ZBTB7C: variants seen among roughly 807,000 people sequenced by gnomAD.
ZBTB7C encodes zinc finger and BTB domain containing 7C, also known as zinc finger and BTB domain-containing protein 7C.
ZBTB7C carries 8 observed loss-of-function variants against 25.7 expected under a neutral mutation model. The ratio of observed to expected loss-of-function variants is 0.31; its 90% CI spans 0.18 to 0.56. ZBTB7C has a LOEUF of 0.56. ZBTB7C is among the 20% of genes least tolerant of loss of function. The pLI is 0.91. For synonymous variants in ZBTB7C, 394 were observed against 369.0 expected (o/e 1.07, Z -0.78); for missense variants, 824 against 855.2 (o/e 0.96, Z 0.46).
chr18:48,409,375 G>C lies in ZBTB7C; in HGVS notation c.-453C>G, dbSNP rs1355309995. The stretch of plus-strand genomic sequence containing the variant: ...CAGAGTCTCGTGGCGGGGCTGCGCC[G>C]GCGGGTATGGAGCTGAGCGGCGGCA... On this transcript the variant is annotated 5_prime_UTR_variant, in exon 1 of 5. Transcript: ENST00000590800. 1 of 147,092 alleles carries C rather than the reference G, an allele frequency of 6.8e-6. No individual in the cohort carries two copies. The highest frequency in any genetic ancestry group is 1.5e-5 in the Non-Finnish European group (1 of 66,186). 9.1% of individuals were successfully genotyped at this position (147,092 alleles called of 1,614,324 possible). A position where few individuals can be genotyped will look rare whatever the true frequency, so the allele number is the denominator to read the frequency against.
At chr18:48,282,859 A>G (rs2044910483) in intron 2 of ZBTB7C, among the ~76,000 whole-genome samples, 2 of 152,192 alleles carry the variant, frequency 1.3e-5, no homozygotes, top group South Asian at 4.1e-4. Context: ...GAATGTGACA[A>G]TGACTGAAAT....
chr18:48,205,469 G>C (rs989076206), intron 2 of ZBTB7C, among the ~76,000 whole-genome samples: 10 of 151,792 alleles, frequency 6.6e-5, no homozygotes, highest in Admixed American at 6.6e-4. Context: ...ATAATCAATA[G>C]TGTTAAGATG....
chr18:48,030,535 T>G (rs2035698403), intron 4 of ZBTB7C, among the ~76,000 whole-genome samples: 1 of 152,200 alleles, frequency 6.6e-6, no homozygotes, highest in Non-Finnish European at 1.5e-5. Context: ...ATTTCAGGGT[T>G]TACAAAAGAG....
intron 2 of ZBTB7C, among the ~76,000 whole-genome samples, chr18:48,242,203 T>TA (rs1281261486): frequency 6.6e-6 from 1 of 151,910 alleles, no homozygotes; most frequent in East Asian, 1.9e-4. Flanking sequence ...GAAATGGTAA[T>TA]AAAAAAATTG....
At chr18:48,196,279 A>G (rs1360846987) in intron 2 of ZBTB7C, among the ~76,000 whole-genome samples, 4 of 152,052 alleles carry the variant, frequency 2.6e-5, no homozygotes, top group Non-Finnish European at 1.5e-5. Context: ...AGTGGGCTAT[A>G]TCTCTCCAGA....
intron 1 of ZBTB7C, among the ~76,000 whole-genome samples, chr18:48,389,018 T>C: frequency 6.6e-6 from 1 of 152,154 alleles, no homozygotes; most frequent in East Asian, 1.9e-4. Context: ...CCAGTCTTTA[T>C]TTGGACCAGG....
intron 3 of ZBTB7C, among the ~76,000 whole-genome samples, chr18:48,104,848 A>G (rs1598885571): frequency 6.6e-6 from 1 of 152,290 alleles, no homozygotes; most frequent in East Asian, 1.9e-4. Context: ...GTGTGGGGCC[A>G]TCGTGCAGTG....
intron 3 of ZBTB7C, among the ~76,000 whole-genome samples, chr18:48,103,148 C>G (rs1213712053): frequency 6.9e-6 from 1 of 145,174 alleles, no homozygotes. Flanking sequence ...ATCTATCTAT[C>G]TATCTATCTA....
chr18:48,055,028 C>T (rs543260021), intron 3 of ZBTB7C, among the ~76,000 whole-genome samples: 1 of 152,236 alleles, frequency 6.6e-6, no homozygotes, highest in South Asian at 2.1e-4. Context: ...TAGAAAATAC[C>T]TGCTTTAGAG....
chr18:48,317,072 A>C (rs1195322850), intron 2 of ZBTB7C, among the ~76,000 whole-genome samples: 1 of 152,180 alleles, frequency 6.6e-6, no homozygotes, highest in Non-Finnish European at 1.5e-5. Context: ...CAGGAGTTCA[A>C]TACCAGCCTG....
chr18:48,106,043 C>T (rs1423260804), intron 3 of ZBTB7C, among the ~76,000 whole-genome samples: 1 of 152,224 alleles, frequency 6.6e-6, no homozygotes, highest in Non-Finnish European at 1.5e-5. Context: ...AAATGGGAAA[C>T]ATTTCACTAA....
chr18:48,381,280 G>A (rs558229101), intron 1 of ZBTB7C, among the ~76,000 whole-genome samples: 1 of 152,162 alleles, frequency 6.6e-6, no homozygotes, highest in African/African-American at 2.4e-5. Flanking sequence ...GATGGTAAAA[G>A]GTGGCCCCAA....
rs535213142 is a variant in ZBTB7C, at chr18:48,377,946, C to G, written c.-304+31280G>C. On this transcript the variant is annotated intron_variant, in intron 1 of 4. Transcript: ENST00000590800. ...CAAAACTTTGGGAGGCCGAGGTGGGCAGATCACCTGAGGTCAGGAGTTCAA... is the reference window on the plus strand; with the variant it reads ...CAAAACTTTGGGAGGCCGAGGTGGGGAGATCACCTGAGGTCAGGAGTTCAA... 3.9e-5 allele frequency among the ~76,000 whole-genome samples: 6 copies of G among 152,236 alleles called. No individual in the cohort carries two copies. The South Asian group carries it at 1.2e-3, about 32-fold the overall frequency.
intron 3 of ZBTB7C, among the ~76,000 whole-genome samples, chr18:48,110,331 C>A (rs36055075): frequency 1.5e-4 from 13 of 87,266 alleles, no homozygotes; most frequent in African/African-American, 3.0e-4. Flanking sequence ...CCCTACCCCC[C>A]CACCTGGTTC....
intron 1 of ZBTB7C, among the ~76,000 whole-genome samples, chr18:48,389,213 TCTCTCTCTC>T: frequency 4.7e-5 from 6 of 126,424 alleles, no homozygotes; most frequent in African/African-American, 1.6e-4. Flanking sequence ...TCTCTCTCTC[TCTCTCTCTC>T]TCTCTCTCTC....
intron 1 of ZBTB7C, among the ~76,000 whole-genome samples, chr18:48,367,283 A>T (rs7238825): frequency 0.99 from 116,138 of 116,810 alleles, 57,735 homozygotes; most frequent in Middle Eastern, 1. Flanking sequence ...TGTATATGTA[A>T]ATATGTATCT....
chr18:48,108,347 G>C (rs2039109335), intron 3 of ZBTB7C, among the ~76,000 whole-genome samples: 2 of 152,120 alleles, frequency 1.3e-5, no homozygotes, highest in East Asian at 3.9e-4. Context: ...CGAGTGGGAG[G>C]ATCAGCAGCG....
chr18:48,115,395 C>T (rs1224697690), intron 3 of ZBTB7C, among the ~76,000 whole-genome samples: 1 of 146,170 alleles, frequency 6.8e-6, no homozygotes, highest in Non-Finnish European at 1.5e-5. Flanking sequence ...ACTACAGGCA[C>T]CCGCCACCGC....
intron 2 of ZBTB7C, among the ~76,000 whole-genome samples, chr18:48,250,889 C>T (rs1325766026): frequency 2.7e-5 from 4 of 150,630 alleles, no homozygotes; most frequent in African/African-American, 9.8e-5. Flanking sequence ...TGCTTCTTTT[C>T]TTGTGATTTG....
Sources: allele counts gnomAD v4.1 joint callset (sites outside exome capture counted in the v4.1 genomes callset), GRCh38; gene constraint gnomAD v4.1.1; transcripts MANE v1.5; gene names NCBI Gene and HGNC (gene_info 2026-07-23, HGNC 2026-07-21).